The following RNGTT variants were observed in gnomAD, a reference collection of about 807,000 sequenced individuals.
RNGTT encodes RNA guanylyltransferase and 5'-phosphatase.
In RNGTT, 33 loss-of-function variants were observed where a neutral mutation model predicts 79.3. The ratio of observed to expected loss-of-function variants is 0.42; its 90% confidence interval spans 0.32 to 0.56. The LOEUF is 0.56. RNGTT is among the 20% of genes least tolerant of loss of function. RNGTT has a pLI of 0.17. For missense variants in RNGTT, 497 were observed against 739.1 expected (o/e 0.67, Z 3.80); for synonymous variants, 222 against 235.9 (o/e 0.94, Z 0.54).
intron 8 of RNGTT, among the ~76,000 whole-genome samples, chr6:88,877,989 C>T (rs534122744): frequency 6.6e-6 from 1 of 152,220 alleles, no homozygotes; most frequent in African/African-American, 2.4e-5. Context: ...AGGTATGACA[C>T]TAAACATTAA....
At chr6:88,925,175 G>T (rs1286605608) in intron 4 of RNGTT, among the ~76,000 whole-genome samples, 1 of 151,932 alleles carries the variant, frequency 6.6e-6, no homozygotes, top group Non-Finnish European at 1.5e-5. Context: ...GAAAAAAAAA[G>T]AAAAAACCTG....
At chr6:88,771,784 T>G (rs545308054) in intron 12 of RNGTT, among the ~76,000 whole-genome samples, 1 of 152,170 alleles carries the variant, frequency 6.6e-6, no homozygotes, top group Non-Finnish European at 1.5e-5. Flanking sequence ...TTCCTAATAA[T>G]TTACTATTTT....
At chr6:88,734,784 G>A (rs553873605) in intron 13 of RNGTT, among the ~76,000 whole-genome samples, 1 of 152,196 alleles carries the variant, frequency 6.6e-6, no homozygotes, top group Admixed American at 6.5e-5. Context: ...ACCATTCTGT[G>A]TTTCACTTTC....
At chr6:88,846,019 A>AATT (rs1781471821) in intron 10 of RNGTT, among the ~76,000 whole-genome samples, 1 of 152,218 alleles carries the variant, frequency 6.6e-6, no homozygotes, top group Non-Finnish European at 1.5e-5. Flanking sequence ...AAAAAGTCTA[A>AATT]CAACTGTTAA....
chr6:88,782,621 A>C (rs895491785), intron 12 of RNGTT, among the ~76,000 whole-genome samples: 2 of 152,172 alleles, frequency 1.3e-5, no homozygotes, highest in African/African-American at 4.8e-5. Flanking sequence ...TCACCTATGA[A>C]ATGAGAAAAA....
chr6:88,686,429 C>T (rs565060658), intron 13 of RNGTT, among the ~76,000 whole-genome samples: 5 of 151,774 alleles, frequency 3.3e-5, no homozygotes, highest in South Asian at 4.2e-4. Context: ...TAAGCTCATT[C>T]GAAAATATAT....
intron 12 of RNGTT, among the ~76,000 whole-genome samples, chr6:88,776,817 GTTGA>G (rs1457295017): frequency 6.6e-6 from 1 of 152,058 alleles, no homozygotes; most frequent in South Asian, 2.1e-4. Context: ...TTTTCATTTT[GTTGA>G]TTGTTTCCTG....
chr6:88,920,333 T>C lies in RNGTT; in HGVS notation c.367+8652A>G, dbSNP rs546172728. On this transcript the variant is annotated intron_variant, in intron 4 of 15. Coordinates refer to ENST00000369485, the MANE Select transcript of RNGTT (RefSeq NM_003800.5). Reference sequence around the variant, plus strand: ...TTGAATCACCTCTAGGTATTACTTATAATACCTAATGCAATGTAAGTGCTA... The same window carrying C: ...TTGAATCACCTCTAGGTATTACTTACAATACCTAATGCAATGTAAGTGCTA... Among the ~76,000 whole-genome samples the C allele has an allele frequency of 4.6e-5, 7 of 152,308 alleles. No individual in the cohort carries two copies. The South Asian group carries it at 6.2e-4, about 14-fold the overall frequency.
At chr6:88,809,666 T>A (rs920031871) in intron 11 of RNGTT, among the ~76,000 whole-genome samples, 2 of 152,122 alleles carry the variant, frequency 1.3e-5, no homozygotes, top group Non-Finnish European at 2.9e-5. Flanking sequence ...TTAAACAGAA[T>A]GAAAACAAAA....
intron 13 of RNGTT, among the ~76,000 whole-genome samples, chr6:88,720,924 T>A (rs1252800151): frequency 1.3e-5 from 2 of 152,090 alleles, no homozygotes; most frequent in Non-Finnish European, 2.9e-5. Context: ...CGTCAAACCA[T>A]GTTTTTTATG....
intron 1 of RNGTT, among the ~76,000 whole-genome samples, chr6:88,942,648 G>T (rs1251129050): frequency 6.6e-6 from 1 of 152,134 alleles, no homozygotes; most frequent in African/African-American, 2.4e-5. Flanking sequence ...TGGGATTATA[G>T]GCATGAGCCA....
intron 13 of RNGTT, among the ~76,000 whole-genome samples, chr6:88,683,619 G>T (rs1015682731): frequency 1.3e-5 from 2 of 152,022 alleles, no homozygotes; most frequent in Non-Finnish European, 2.9e-5. Context: ...CAGAGAATAA[G>T]AAAACAAGCC....
chr6:88,813,678 A>T (rs868853936), intron 11 of RNGTT, among the ~76,000 whole-genome samples: 5 of 152,284 alleles, frequency 3.3e-5, no homozygotes, highest in Non-Finnish European at 4.4e-5. Flanking sequence ...GAGAATCCAA[A>T]TGCATTCTGG....
chr6:88,792,535 T>C (rs1390700952), intron 12 of RNGTT, among the ~76,000 whole-genome samples: 1 of 152,260 alleles, frequency 6.6e-6, no homozygotes, highest in Non-Finnish European at 1.5e-5. Flanking sequence ...TAAACTCTGC[T>C]TTCTTTAGCA....
chr6:88,931,187 T>TAAAAAAA (rs34070183), intron 2 of RNGTT, among the ~76,000 whole-genome samples: 83 of 101,878 alleles, frequency 8.1e-4, no homozygotes, highest in African/African-American at 2.1e-3. Context: ...TATAAAGCTG[T>TAAAAAAA]AAAAAAAAAA....
chr6:88,796,641 A>C (rs1779611934), intron 12 of RNGTT, among the ~76,000 whole-genome samples: 1 of 152,198 alleles, frequency 6.6e-6, no homozygotes, highest in South Asian at 2.1e-4. Flanking sequence ...TGATTTAACC[A>C]AAACAGCTAT....
At position 88,939,986 on chromosome 6, in the gene RNGTT, GGCCTCAAGCAATCCTCCT is replaced by G. The variant is rs370559610; in HGVS notation, c.174+1067_174+1084del. On this transcript the variant is annotated intron_variant, in intron 2 of 15. Coordinates refer to ENST00000369485, the MANE Select transcript of RNGTT (RefSeq NM_003800.5). The stretch of plus-strand genomic sequence containing the variant: ...CTGCCCACACTGGTCTCAAACTCCT[GGCCTCAAGCAATCCTCCT>G]GCCTCAGTCTCCCAAAGTGCTGGGA... Among the ~76,000 whole-genome samples, 505 of 151,394 alleles carry G rather than the reference GGCCTCAAGCAATCCTCCT, an allele frequency of 3.3e-3. 3 individuals carry two copies. The highest frequency in any genetic ancestry group is 0.012 in the African/African-American group (482 of 41,188).
chr6:88,815,487 C>G (rs955610419), intron 11 of RNGTT, among the ~76,000 whole-genome samples: 13 of 152,138 alleles, frequency 8.5e-5, no homozygotes, highest in African/African-American at 2.9e-4. Context: ...GCCAGCAAGT[C>G]TGAAGTAAAG....
At chr6:88,679,694 T>C (rs1237334733) in intron 13 of RNGTT, among the ~76,000 whole-genome samples, 2 of 152,202 alleles carry the variant, frequency 1.3e-5, no homozygotes, top group African/African-American at 4.8e-5. Context: ...AGAAATACTA[T>C]CATTATAACT....
Sources: gnomAD v4.1 joint callset for allele counts (sites outside exome capture counted in the v4.1 genomes callset) on GRCh38, gnomAD v4.1.1 for gene constraint, MANE v1.5 for transcripts, NCBI Gene and HGNC (gene_info 2026-07-23, HGNC 2026-07-21) for gene names.